MTCH1: variants seen among roughly 807,000 people sequenced by gnomAD.
The protein encoded by MTCH1 is mitochondrial carrier 1.
MTCH1 carries 23 observed loss-of-function variants against 49.3 expected under a neutral mutation model. That is an observed-to-expected ratio of 0.47 (90% CI 0.34 to 0.66). The LOEUF is 0.66. Ranked by LOEUF, MTCH1 falls within the 30% of genes least tolerant of loss-of-function variation. The pLI is 0.01. For synonymous variants in MTCH1, 229 were observed against 215.2 expected (o/e 1.06, Z -0.56); for missense variants, 397 against 532.1 (o/e 0.75, Z 2.50).
chr6:36,982,024 C>T lies in MTCH1; in HGVS notation c.322-352G>A, dbSNP rs775427125. Among the ~76,000 whole-genome samples the T allele has an allele frequency of 1.6e-4, 24 of 152,216 alleles. No individual in the cohort carries two copies. The highest frequency in any genetic ancestry group is 3.1e-4 in the Non-Finnish European group (21 of 68,028). ...CCTACTCCCATCTCAGAACAAATCTCAGTTATTCTCATCTCCAGATGAAAA... is the reference window on the plus strand; with the variant it reads ...CCTACTCCCATCTCAGAACAAATCTTAGTTATTCTCATCTCCAGATGAAAA... On this transcript the variant is annotated intron_variant, in intron 1 of 11. Coordinates refer to ENST00000373627, the MANE Select transcript of MTCH1 (RefSeq NM_001271641.2). The surrounding 1 kb of genome is among the most constrained non-coding windows in gnomAD (Gnocchi z 4.1).
intron 11 of MTCH1, chr6:36,969,410 T>G: frequency 9.4e-7 from 1 of 1,069,138 alleles, no homozygotes; most frequent in Non-Finnish European, 1.1e-6. Context: ...CACTGCCCCA[T>G]TTCACTGCGA....
downstream of MTCH1, chr6:36,968,140 C>A (rs1763545926): frequency 1.3e-5 from 2 of 152,668 alleles, no homozygotes; most frequent in Admixed American, 1.3e-4. Context: ...CCACAAAAAA[C>A]TCCAAATCAC....
chr6:36,981,504 T>A (rs2150752493), intron 2 of MTCH1, 84 bp downstream of exon 2: 2 of 1,309,462 alleles, frequency 1.5e-6, no homozygotes, highest in East Asian at 4.8e-5. Context: ...GCGCAGTGAG[T>A]TCCCCGGGGC....
intron 2 of MTCH1, among the ~76,000 whole-genome samples, chr6:36,979,501 C>T (rs1367923520): frequency 1.3e-5 from 2 of 152,220 alleles, no homozygotes; most frequent in Admixed American, 6.5e-5. Context: ...TCTGGCACCG[C>T]GCAGAGGCAG....
intron 1 of MTCH1, among the ~76,000 whole-genome samples, chr6:36,983,143 A>C (rs944777112): frequency 6.6e-6 from 1 of 152,208 alleles, no homozygotes; most frequent in African/African-American, 2.4e-5. Flanking sequence ...GTAAATTTAA[A>C]AACTCCTCTA....
At chr6:36,970,006 A>T (rs370738959) in intron 11 of MTCH1, 33 bp downstream of exon 11, 7 of 1,612,270 alleles carry the variant, frequency 4.3e-6, no homozygotes, top group Non-Finnish European at 5.1e-6. Context: ...AGCAAAGAAC[A>T]GGAAAGGCCT....
intron 1 of MTCH1, among the ~76,000 whole-genome samples, chr6:36,984,015 C>G: frequency 6.6e-6 from 1 of 152,108 alleles, no homozygotes; most frequent in East Asian, 1.9e-4. Flanking sequence ...CCTTCCCAAA[C>G]CACCCTCATT....
intron 11 of MTCH1, chr6:36,969,473 C>G (rs1216653924): frequency 1.8e-6 from 2 of 1,081,970 alleles, no homozygotes; most frequent in Non-Finnish European, 2.3e-6. Context: ...AAAGCCTGGA[C>G]CCCTGACTGC....
At chr6:36,975,529 C>T (rs755980015) in intron 7 of MTCH1, 129 bp downstream of exon 7, 1 of 845,990 alleles carries the variant, frequency 1.2e-6, no homozygotes, top group Non-Finnish European at 1.9e-6. Context: ...GAGCTGGCTG[C>T]AGCACTCAGG....
Position 36,972,814 on chromosome 6 carries a change from CA to C in MTCH1, c.762-19del. 1 of 1,539,330 alleles carries C rather than the reference CA, an allele frequency of 6.5e-7. No individual in the cohort carries two copies. On this transcript the variant is annotated intron_variant, in intron 7 of 11. Coordinates refer to ENST00000373627, the MANE Select transcript of MTCH1 (RefSeq NM_001271641.2). The surrounding 1 kb of genome is among the most constrained non-coding windows in gnomAD (Gnocchi z 4.1). ...TTAATCCACTAAAAAACAAGGTAAG[CA>C]GAGATGAGCAGGAGAGGGAGAGGAG...
chr6:36,973,235 G>A (rs202114274), intron 7 of MTCH1, among the ~76,000 whole-genome samples: 1 of 152,188 alleles, frequency 6.6e-6, no homozygotes, highest in East Asian at 1.9e-4. Context: ...AAGATTCTAT[G>A]CAAGCATTTA....
chr6:36,982,973 G>C lies in MTCH1; in HGVS notation c.322-1301C>G, dbSNP rs1023422901. On this transcript the variant is annotated intron_variant, in intron 1 of 11. Transcript: ENST00000373627. This position sits in a 1 kb window ranked among gnomAD's most constrained non-coding sequence, Gnocchi z 4.1. The stretch of plus-strand genomic sequence containing the variant: ...TGCAGCTGTGGGAGGCAGTAGAAGT[G>C]GCAAGTTAGAAAGCGCTACCTTGTA... Among the ~76,000 whole-genome samples, 6 of 152,334 alleles carry C rather than the reference G, an allele frequency of 3.9e-5. No homozygotes were observed. The highest frequency in any genetic ancestry group is 2.6e-4 in the Admixed American group (4 of 15,306).
In MTCH1 at chr6:36,977,726, T is replaced by G. The variant is rs2150749819; in HGVS notation, c.592-35A>C. 6.4e-7 allele frequency: 1 copy of G among 1,562,534 alleles called. No homozygotes were observed. Among genetic ancestry groups the G allele is most frequent in the East Asian group, 2.3e-5 (1 of 43,018 alleles). ...AGCATGGGGTGGGGACTCGCCACCC[T>G]CGGCCTGTCTCTGGAACTGGCCCTC... On this transcript the variant is annotated intron_variant, in intron 4 of 11. Coordinates refer to ENST00000373627, the MANE Select transcript of MTCH1 (RefSeq NM_001271641.2). This position sits in a 1 kb window ranked among gnomAD's most constrained non-coding sequence, Gnocchi z 5.4.
rs1360410336 is a variant in MTCH1 at position 36,986,151 on chromosome 6, A to G, written c.23T>C (p.Val8Ala). 5.6e-6 allele frequency: 8 copies of G among 1,435,870 alleles called. No homozygotes were observed. The African/African-American group carries it at 1.2e-4, about 22-fold the overall frequency. The allele number at this position is 1,435,870 out of a possible 1,614,324, so 88.9% of individuals were successfully genotyped here. A position where few individuals can be genotyped will look rare whatever the true frequency, so the allele number is the denominator to read the frequency against. MGASDPE[V>A]APWARGGAAG... ...GGCACCGCCGCGAGCCCAGGGCGCC[A>G]CTTCCGGGTCCGAAGCTCCCATGGC... is the stretch of plus-strand genomic sequence containing the variant. The change falls in exon 1 of 12, where the codon GTG becomes GCG. Residue 8 changes from valine (V) to alanine (A), a missense_variant. Physicochemically the swap from Val to Ala is moderately conservative, Grantham distance 64 (BLOSUM62 0). Coordinates refer to ENST00000373627, the MANE Select transcript of MTCH1 (RefSeq NM_001271641.2).
intron 2 of MTCH1, among the ~76,000 whole-genome samples, chr6:36,979,522 A>G (rs1194736919): frequency 1.3e-5 from 2 of 152,192 alleles, no homozygotes; most frequent in African/African-American, 4.8e-5. Flanking sequence ...GAAGAAGCAA[A>G]TATGCCTTTT....
chr6:36,979,747 G>A (rs1224151160), intron 2 of MTCH1, among the ~76,000 whole-genome samples: 1 of 152,158 alleles, frequency 6.6e-6, no homozygotes, highest in East Asian at 1.9e-4. Flanking sequence ...CTTTGGGGGA[G>A]GGTGGATCCT....
Position 36,968,917 on chromosome 6 carries a change from A to G in MTCH1, c.1156T>C (p.Phe386Leu). Residue 386 changes from phenylalanine to leucine, a missense_variant, in exon 12 of 12, where the codon TTT (phenylalanine) becomes CTT (leucine). This residue lies in a region of MTCH1 where 252 missense variants were observed against 388.3 expected (regional missense o/e 0.65). Coordinates refer to ENST00000373627, the MANE Select transcript of MTCH1 (RefSeq NM_001271641.2). ...LFRRVSSGSC[F>L]ALE ...GATGATTCAGGTTACTCCAGGGCAAAGCATGATCCTGATGACACCCGGCGG... is the reference window on the plus strand; with the variant it reads ...GATGATTCAGGTTACTCCAGGGCAAGGCATGATCCTGATGACACCCGGCGG... 6.2e-7 allele frequency: 1 copy of G among 1,614,114 alleles called. No individual in the cohort carries two copies. Among genetic ancestry groups the G allele is most frequent in the South Asian group, 1.1e-5 (1 of 91,074 alleles).
At position 36,975,778 on chromosome 6, in the gene MTCH1, T is replaced by C. The variant is rs73422776; in HGVS notation, c.702-61A>G. ...CAGTCACCTACCAGAAGCCCACCCG[T>C]TGGTGTGGGGCTGAGCCCACCAGTT... On this transcript the variant is annotated intron_variant, in intron 6 of 11. Coordinates refer to ENST00000373627, the MANE Select transcript of MTCH1 (RefSeq NM_001271641.2). 0.013 allele frequency: 19,826 copies of C among 1,517,546 alleles called. 1,805 individuals are homozygous for C. The African/African-American group carries it at 0.21, about 16-fold the overall frequency. 94.0% of individuals were successfully genotyped at this position (1,517,546 alleles called of 1,614,324 possible).
chr6:36,970,285 G>C, intron 10 of MTCH1, 121 bp downstream of exon 10: 3 of 1,468,106 alleles, frequency 2.0e-6, no homozygotes. Context: ...CAGGGTGCCT[G>C]GCAGGCCAAG....
Sources: gnomAD v4.1 joint callset for allele counts (sites outside exome capture counted in the v4.1 genomes callset) on GRCh38, gnomAD v4.1.1 for gene constraint, gnomAD v4.1.1 regional missense constraint, Gnocchi (gnomAD v3.1) non-coding constraint, MANE v1.5 for transcripts, NCBI Gene and HGNC (gene_info 2026-07-23, HGNC 2026-07-21) for gene names.